UCN3: variants seen among roughly 807,000 people sequenced by gnomAD.
UCN3 encodes the protein urocortin-3.
A neutral mutation model predicts 3.6 loss-of-function variants in UCN3; 3 were observed. The ratio of observed to expected loss-of-function variants is 0.83; its 90% CI spans 0.38 to 2.15. The LOEUF (loss-of-function observed/expected upper bound fraction) is 2.15. Among genes scored for constraint, UCN3 ranks in the 30% most tolerant of loss-of-function variants. The pLI is 0.06. For missense variants in UCN3, 206 were observed against 208.3 expected, an observed-to-expected ratio of 0.99 and a Z score of 0.07; for synonymous variants, 100 against 93.2, an observed-to-expected ratio of 1.07 and a Z score of -0.42.
At chr10:5,370,400 T>C (rs1455555437) in intron 1 of UCN3, among the ~76,000 whole-genome samples, 6 of 80,332 alleles carry the variant, frequency 7.5e-5, no homozygotes, top group East Asian at 4.6e-4. Context: ...TGTGTATATG[T>C]GTGTGTATAT....
At chr10:5,369,913 A>ATATGTGTGTG (rs1564442062) in intron 1 of UCN3, among the ~76,000 whole-genome samples, 1 of 99,706 alleles carries the variant, frequency 1.0e-5, no homozygotes, top group Non-Finnish European at 1.9e-5. Flanking sequence ...GTGTGTGTGT[A>ATATGTGTGTG]TATGTGTGTG....
chr10:5,371,381 CATGTGT>C (rs1433356734), intron 1 of UCN3, among the ~76,000 whole-genome samples: 7 of 148,014 alleles, frequency 4.7e-5, no homozygotes, highest in African/African-American at 1.6e-4. Flanking sequence ...TATGTGGGTG[CATGTGT>C]ATGTGTATGT....
intron 1 of UCN3, among the ~76,000 whole-genome samples, chr10:5,369,171 T>C (rs1554810968): frequency 6.6e-6 from 1 of 152,308 alleles, no homozygotes; most frequent in Admixed American, 6.5e-5. Context: ...AGCCAAAAGC[T>C]ACAAGCCAGA....
At position 5,365,723 on chromosome 10, in the gene UCN3, C is replaced by G. The variant is rs1276536292; in HGVS notation, c.-7+493C>G. 6.6e-6 allele frequency among the ~76,000 whole-genome samples: 1 copy of G among 152,166 alleles called. No homozygotes were observed. Among genetic ancestry groups the G allele is most frequent in the African/African-American group, 2.4e-5 (1 of 41,426 alleles). ...CCATCTCCCGTCACTCTCGGGCACA[C>G]CTGTGAAGCAGGTAACGTCTCCTTC... On this transcript the variant is annotated intron_variant, in intron 1 of 1. Transcript: ENST00000380433. The surrounding 1 kb of genome is among the most constrained non-coding windows in gnomAD (Gnocchi z 4.4).
chr10:5,370,557 ATG>A (rs554863819), intron 1 of UCN3, among the ~76,000 whole-genome samples: 1,029 of 66,598 alleles, frequency 0.015, 158 homozygotes, highest in Admixed American at 0.071. Flanking sequence ...ATGTGTGTAT[ATG>A]TGTGTGTATA....
At position 5,370,604 on chromosome 10, in the gene UCN3, C is replaced by CGT. The variant is rs1175966230; in HGVS notation, c.-6-3106_-6-3105dup. Reference sequence around the variant, plus strand: ...ATGTGTGTATATGTGTGTGTGTATGCGTGTGTATATGCGTGTATATGCGTG... The same window carrying CGT: ...ATGTGTGTATATGTGTGTGTGTATGCGTGTGTGTATATGCGTGTATATGCGTG... On this transcript the variant is annotated intron_variant, in intron 1 of 1. Transcript: ENST00000380433. Among the ~76,000 whole-genome samples, 67 of 29,252 alleles carry CGT rather than the reference C, an allele frequency of 2.3e-3. 14 individuals are homozygous for CGT. The highest frequency in any genetic ancestry group is 0.018 in the Admixed American group (38 of 2,086). 19.2% of individuals were successfully genotyped at this position (29,252 alleles called of 152,430 possible).
At chr10:5,372,257 C>T (rs1242731709) in intron 1 of UCN3, among the ~76,000 whole-genome samples, 1 of 152,184 alleles carries the variant, frequency 6.6e-6, no homozygotes, top group African/African-American at 2.4e-5. Flanking sequence ...GAAGTCAACT[C>T]TGCCCACTTC....
At chr10:5,369,071 T>G (rs1307237381) in intron 1 of UCN3, among the ~76,000 whole-genome samples, 2 of 152,134 alleles carry the variant, frequency 1.3e-5, no homozygotes, top group East Asian at 3.8e-4. Flanking sequence ...CGCCTTCACA[T>G]GAGTCCAAAG....
At chr10:5,370,426 C>T (rs200577268) in intron 1 of UCN3, among the ~76,000 whole-genome samples, 785 of 10,036 alleles carry the variant, frequency 0.078, 73 homozygotes, top group Admixed American at 0.19. Context: ...TGTGTATATG[C>T]GTGTGTATAT....
rs1564443712 is a variant in UCN3, at chr10:5,370,868, T to TGTGCGC, written c.-6-2847_-6-2846insGTGCGC. ...GTGTGTGCGCGTGTGTGTGCGTGTG[T>TGTGCGC]ATGTGTGTGTATATGCGTGTGTATA... is the stretch of plus-strand genomic sequence containing the variant. On this transcript the variant is annotated intron_variant, in intron 1 of 1. Transcript: ENST00000380433. 1.7e-3 allele frequency among the ~76,000 whole-genome samples: 161 copies of TGTGCGC among 95,588 alleles called. 25 individuals are homozygous for TGTGCGC. Among genetic ancestry groups the TGTGCGC allele is most frequent in the African/African-American group, 5.9e-3 (156 of 26,572 alleles). 62.7% of individuals were successfully genotyped at this position (95,588 alleles called of 152,430 possible). A position where few individuals can be genotyped will look rare whatever the true frequency, so the allele number is the denominator to read the frequency against.
chr10:5,370,915 A>ATATGTGTGTGTG (rs1564443816), intron 1 of UCN3, among the ~76,000 whole-genome samples: 3 of 100,920 alleles, frequency 3.0e-5, no homozygotes, highest in African/African-American at 9.2e-5. Flanking sequence ...ATGCGTGTGT[A>ATATGTGTGTGTG]TATGCGTGTG....
At chr10:5,368,661 T>C (rs1440136409) in intron 1 of UCN3, among the ~76,000 whole-genome samples, 1 of 152,156 alleles carries the variant, frequency 6.6e-6, no homozygotes, top group Non-Finnish European at 1.5e-5. Context: ...TTAAACCCTT[T>C]CAGGGTTAGC....
Position 5,370,338 on chromosome 10 carries a change from TATGC to T in UCN3, c.-6-3376_-6-3373del, listed in dbSNP as rs1372853967. On this transcript the variant is annotated intron_variant, in intron 1 of 1. Coordinates refer to ENST00000380433, the MANE Select transcript of UCN3 (RefSeq NM_053049.4). ...GTATGTGTGTGTATATGCGTGTGTA[TATGC>T]GTGTGTATATGTGTGTGTATATGCG... Among the ~76,000 whole-genome samples the T allele has an allele frequency of 3.4e-4, 27 of 78,952 alleles. 3 individuals carry two copies. Among genetic ancestry groups the T allele is most frequent in the Non-Finnish European group, 5.4e-4 (23 of 42,502 alleles). 51.8% of individuals were successfully genotyped at this position (78,952 alleles called of 152,430 possible). A position where few individuals can be genotyped will look rare whatever the true frequency, so the allele number is the denominator to read the frequency against.
rs1205599484 is a variant in UCN3 at position 5,369,987 on chromosome 10, A to ATG, written c.-6-3722_-6-3721dup. Among the ~76,000 whole-genome samples, 5 of 17,314 alleles carry ATG rather than the reference A, an allele frequency of 2.9e-4. 1 individual carries two copies. Among genetic ancestry groups the ATG allele is most frequent in the Admixed American group, 6.7e-4 (1 of 1,482 alleles). The allele number at this position is 17,314 out of a possible 152,430, so 11.4% of individuals were successfully genotyped here. On this transcript the variant is annotated intron_variant, in intron 1 of 1. Coordinates refer to ENST00000380433, the MANE Select transcript of UCN3 (RefSeq NM_053049.4). ...TATGCGTGTGTATATGCGTGTGTAT[A>ATG]TGTGTGTATGTGTGTGTGTATGTGT... is the stretch of plus-strand genomic sequence containing the variant.
intron 1 of UCN3, among the ~76,000 whole-genome samples, chr10:5,370,778 C>CGTGT (rs139294043): frequency 1.4e-5 from 1 of 72,456 alleles, no homozygotes; most frequent in Admixed American, 1.5e-4. Flanking sequence ...TGTGTATATG[C>CGTGT]GTGTGTGTGT....
chr10:5,369,913 A>ATGTGTG (rs1450474633), intron 1 of UCN3, among the ~76,000 whole-genome samples: 1 of 99,704 alleles, frequency 1.0e-5, no homozygotes, highest in African/African-American at 4.8e-5. Flanking sequence ...GTGTGTGTGT[A>ATGTGTG]TATGTGTGTG....
intron 1 of UCN3, among the ~76,000 whole-genome samples, chr10:5,370,784 T>TATGC (rs1831395722): frequency 6.9e-6 from 1 of 144,380 alleles, no homozygotes; most frequent in Non-Finnish European, 1.5e-5. Flanking sequence ...TATGCGTGTG[T>TATGC]GTGTGTATGC....
chr10:5,370,165 A>G lies in UCN3; in HGVS notation c.-6-3550A>G, dbSNP rs200885765. On this transcript the variant is annotated intron_variant, in intron 1 of 1. Coordinates refer to ENST00000380433, the MANE Select transcript of UCN3 (RefSeq NM_053049.4). ...TATGCGTGTGTATATGTGTGTGTAT[A>G]TGTGTGTGTATATGCGTGTGTATAT... Among the ~76,000 whole-genome samples the G allele has an allele frequency of 1.7e-3, 59 of 33,764 alleles. 1 individual carries two copies. Among genetic ancestry groups the G allele is most frequent in the African/African-American group, 6.9e-3 (38 of 5,540 alleles). The allele number at this position is 33,764 out of a possible 152,430, so 22.2% of individuals were successfully genotyped here.
chr10:5,371,141 A>T (rs1355716138), intron 1 of UCN3, among the ~76,000 whole-genome samples: 1 of 149,580 alleles, frequency 6.7e-6, no homozygotes, highest in Non-Finnish European at 1.5e-5. Flanking sequence ...GTGTGTGCAT[A>T]TGTGTGCATG....
Sources: allele counts gnomAD v4.1 joint callset (sites outside exome capture counted in the v4.1 genomes callset), GRCh38; gene constraint gnomAD v4.1.1; non-coding constraint Gnocchi (gnomAD v3.1); transcripts MANE v1.5; gene names NCBI Gene and HGNC (gene_info 2026-07-23, HGNC 2026-07-21).